Variants in LPGAT1 observed in about 807,000 individuals in gnomAD.
The protein encoded by LPGAT1 is acyl-CoA:lysophosphatidylglycerol acyltransferase 1.
LPGAT1 carries 11 observed loss-of-function variants against 47.5 expected under a neutral mutation model. That is an observed-to-expected ratio of 0.23 (90% CI 0.15 to 0.38). The LOEUF is 0.38. LPGAT1 is among the 10% of genes least tolerant of loss of function. LPGAT1 has a pLI of 1.00. For synonymous variants in LPGAT1, 138 were observed against 144.2 expected (o/e 0.96, Z 0.31); for missense variants, 293 against 439.0 (o/e 0.67, Z 2.97).
chr1:211,810,434 C>T (rs1272395657), intron 2 of LPGAT1, among the ~76,000 whole-genome samples: 1 of 152,096 alleles, frequency 6.6e-6, no homozygotes, highest in Non-Finnish European at 1.5e-5. Context: ...CAGATGTATG[C>T]CCTGGAGTAC....
intron 3 of LPGAT1, among the ~76,000 whole-genome samples, chr1:211,788,731 G>A (rs12118567): frequency 0.12 from 18,078 of 151,580 alleles, 1,246 homozygotes; most frequent in Non-Finnish European, 0.15. Context: ...TTAATGAATC[G>A]GTTAATTGTT....
intron 6 of LPGAT1, among the ~76,000 whole-genome samples, chr1:211,764,219 T>C (rs1238942687): frequency 1.3e-5 from 2 of 152,106 alleles, no homozygotes; most frequent in Non-Finnish European, 2.9e-5. Context: ...CTTTTGTAAC[T>C]GTGTCTATGA....
intron 2 of LPGAT1, among the ~76,000 whole-genome samples, chr1:211,799,317 A>T (rs1659474739): frequency 6.6e-6 from 1 of 152,208 alleles, no homozygotes; most frequent in African/African-American, 2.4e-5. Flanking sequence ...AATGTTTATT[A>T]TGTGCCATGC....
chr1:211,820,896 A>T (rs2102603044), intron 2 of LPGAT1, among the ~76,000 whole-genome samples: 1 of 152,350 alleles, frequency 6.6e-6, no homozygotes, highest in Non-Finnish European at 1.5e-5. Context: ...ATACCACTAT[A>T]TCCTAATAAA....
At position 211,829,119 on chromosome 1, in the gene LPGAT1, T is replaced by C. The variant is rs1660634697; in HGVS notation, c.178A>G (p.Ile60Val). ...ATTCCTAAAAGCCATTTATACATGATTCCTTCGATATACCAGAACCGCTTA... is the reference window on the plus strand; with the variant it reads ...ATTCCTAAAAGCCATTTATACATGACTCCTTCGATATACCAGAACCGCTTA... ...DSKRFWYIEG[I>V]MYKWLLGMVA... is the part of the protein sequence containing the mutation. The change falls in exon 2 of 8, where the codon ATC (isoleucine) becomes GTC (valine). Residue 60 changes from isoleucine (I) to valine (V), a missense_variant. By Grantham distance (29) the Ile-to-Val change is conservative (BLOSUM62 3). Transcript: ENST00000366997. The C allele has an allele frequency of 6.2e-7, 1 of 1,614,156 alleles. No homozygotes were observed. Among genetic ancestry groups the C allele is most frequent in the Non-Finnish European group, 8.5e-7 (1 of 1,180,026 alleles).
intron 6 of LPGAT1, among the ~76,000 whole-genome samples, chr1:211,754,174 G>T (rs1296232455): frequency 6.6e-6 from 1 of 152,178 alleles, no homozygotes; most frequent in African/African-American, 2.4e-5. Flanking sequence ...TCCAATGTTT[G>T]CCAGGGTAGG....
rs192371384 is a variant in LPGAT1, at chr1:211,814,761, C to A, written c.238+14298G>T. 7.2e-5 allele frequency among the ~76,000 whole-genome samples: 11 copies of A among 152,328 alleles called. No individual in the cohort carries two copies. In the East Asian group the frequency reaches 2.1e-3, roughly 29 times the overall value. On this transcript the variant is annotated intron_variant, in intron 2 of 7. Coordinates refer to ENST00000366997, the MANE Select transcript of LPGAT1 (RefSeq NM_014873.3). ...CCTCTACTCCTTCACAGCCAAACTT[C>A]TGGAAAATCATACATTCTTGTTTCC...
At chr1:211,787,580 A>C in intron 4 of LPGAT1, 52 bp downstream of exon 4, 1 of 1,002,948 alleles carries the variant, frequency 1.0e-6, no homozygotes, top group Non-Finnish European at 1.5e-6. Flanking sequence ...TTTATAATCA[A>C]GAATCAATTT....
intron 2 of LPGAT1, among the ~76,000 whole-genome samples, chr1:211,804,672 C>T (rs965888943): frequency 6.6e-6 from 1 of 152,028 alleles, no homozygotes; most frequent in Non-Finnish European, 1.5e-5. Context: ...TTTTTAATGG[C>T]CACATAATAA....
In LPGAT1 at chr1:211,746,465, C is replaced by T. The variant is rs534577140; in HGVS notation, c.*3434G>A. 3.9e-5 allele frequency: 6 copies of T among 152,176 alleles called. No individual in the cohort carries two copies. The highest frequency in any genetic ancestry group is 1.4e-4 in the African/African-American group (6 of 41,518). 9.4% of individuals were successfully genotyped at this position (152,176 alleles called of 1,614,324 possible). ...GTCATAAATATATAGGCAAAAAACC[C>T]CTAAGAAACAACTTAAATCATTTAA... is the stretch of plus-strand genomic sequence containing the variant. On this transcript the variant is annotated 3_prime_UTR_variant, in exon 8 of 8. Coordinates refer to ENST00000366997, the MANE Select transcript of LPGAT1 (RefSeq NM_014873.3).
chr1:211,767,304 A>G (rs1389992561), intron 6 of LPGAT1, among the ~76,000 whole-genome samples: 1 of 151,822 alleles, frequency 6.6e-6, no homozygotes, highest in Non-Finnish European at 1.5e-5. Context: ...ATGCCCAGCT[A>G]ATTTTTTTTT....
chr1:211,817,369 C>T (rs985781852), intron 2 of LPGAT1, among the ~76,000 whole-genome samples: 13 of 152,084 alleles, frequency 8.5e-5, no homozygotes, highest in Admixed American at 2.0e-4. Flanking sequence ...GTCCGGAGTT[C>T]GAGACCAGCC....
chr1:211,830,483 A>G lies in LPGAT1; in HGVS notation c.-28+90T>C. ...CGCTGCCGCCTCCCCGGGCCACGCG[A>G]CGACGACACCCCCTTCCCCGCCCCC... On this transcript the variant is annotated intron_variant, in intron 1 of 7. Coordinates refer to ENST00000366997, the MANE Select transcript of LPGAT1 (RefSeq NM_014873.3). The surrounding 1 kb of genome is among the most constrained non-coding windows in gnomAD (Gnocchi z 5.9). 8.4e-7 allele frequency: 1 copy of G among 1,184,844 alleles called. No homozygotes were observed. Among genetic ancestry groups the G allele is most frequent in the Non-Finnish European group, 1.0e-6 (1 of 955,980 alleles). 73.4% of individuals were successfully genotyped at this position (1,184,844 alleles called of 1,614,324 possible).
chr1:211,824,002 T>A (rs1571771935), intron 2 of LPGAT1, among the ~76,000 whole-genome samples: 1 of 151,718 alleles, frequency 6.6e-6, no homozygotes, highest in African/African-American at 2.4e-5. Context: ...TTAAACATGA[T>A]GTGATTCAAG....
chr1:211,759,678 A>C (rs1247222474), intron 6 of LPGAT1, among the ~76,000 whole-genome samples: 1 of 152,210 alleles, frequency 6.6e-6, no homozygotes, highest in Non-Finnish European at 1.5e-5. Flanking sequence ...TGCATAGATT[A>C]AGCTACATCT....
At chr1:211,750,572 C>T (rs937573303) in intron 7 of LPGAT1, among the ~76,000 whole-genome samples, 1 of 152,146 alleles carries the variant, frequency 6.6e-6, no homozygotes, top group African/African-American at 2.4e-5. Flanking sequence ...GCTGATTCCT[C>T]TATTTACAAA....
At chr1:211,818,677 G>C (rs1242340677) in intron 2 of LPGAT1, among the ~76,000 whole-genome samples, 4 of 152,178 alleles carry the variant, frequency 2.6e-5, no homozygotes, top group Non-Finnish European at 5.9e-5. Flanking sequence ...AAACTTTGGA[G>C]TGCACTAGTG....
At position 211,746,217 on chromosome 1, in the gene LPGAT1, C is replaced by T. The variant is rs1288351482; in HGVS notation, c.*3682G>A. 6.6e-6 allele frequency: 1 copy of T among 152,624 alleles called. No individual in the cohort carries two copies. Among genetic ancestry groups the T allele is most frequent in the Non-Finnish European group, 1.5e-5 (1 of 68,034 alleles). The allele number at this position is 152,624 out of a possible 1,614,324, so 9.5% of individuals were successfully genotyped here. ...GGGCAACATGAGCAAAGAATGAAGA[C>T]GCTTCTTAACATGAATCCAAGACAG... is the stretch of plus-strand genomic sequence containing the variant. On this transcript the variant is annotated 3_prime_UTR_variant, in exon 8 of 8. Transcript: ENST00000366997.
At chr1:211,829,980 G>A (rs1660673302) in intron 1 of LPGAT1, 4 of 985,460 alleles carry the variant, frequency 4.1e-6, no homozygotes, top group Non-Finnish European at 4.8e-6. Flanking sequence ...GTAGGGGGAA[G>A]GGAGCAAAAG....
Sources: gnomAD v4.1 joint callset for allele counts (sites outside exome capture counted in the v4.1 genomes callset) on GRCh38, gnomAD v4.1.1 for gene constraint, Gnocchi (gnomAD v3.1) non-coding constraint, MANE v1.5 for transcripts, NCBI Gene and HGNC (gene_info 2026-07-23, HGNC 2026-07-21) for gene names.